HEPACAM2: variants seen among roughly 807,000 people sequenced by gnomAD.
HEPACAM2 encodes the protein HEPACAM family member 2, also known as mitotic kinetics regulator.
In HEPACAM2, 49 loss-of-function variants were observed where a neutral mutation model predicts 49.6. The observed-to-expected ratio is 0.99, with a 90% CI of 0.78 to 1.25. The LOEUF is 1.25. HEPACAM2 is among the 50% of genes most tolerant of loss of function. The pLI, the probability that HEPACAM2 is intolerant of heterozygous loss-of-function variation, is 0.00. For missense variants in HEPACAM2, 525 were observed against 557.2 expected, an observed-to-expected ratio of 0.94 and a Z score of 0.58; for synonymous variants, 197 against 202.9, an observed-to-expected ratio of 0.97 and a Z score of 0.25.
intron 8 of HEPACAM2, among the ~76,000 whole-genome samples, chr7:93,193,988 C>T (rs1232396101): frequency 6.6e-6 from 1 of 152,102 alleles, no homozygotes; most frequent in Non-Finnish European, 1.5e-5. Flanking sequence ...TCACTTCTTC[C>T]CCAAAGCACC....
intron 8 of HEPACAM2, among the ~76,000 whole-genome samples, chr7:93,193,893 T>G (rs573811561): frequency 6.6e-6 from 1 of 152,288 alleles, no homozygotes. Flanking sequence ...TACGTATACA[T>G]AGCTGCCATT....
At chr7:93,212,067 A>C (rs1794191162) in intron 3 of HEPACAM2, among the ~76,000 whole-genome samples, 1 of 152,016 alleles carries the variant, frequency 6.6e-6, no homozygotes, top group Admixed American at 6.6e-5. Flanking sequence ...AGCATAATGG[A>C]GTATTCTCAC....
Position 93,195,776 on chromosome 7 carries a change from C to T in HEPACAM2, c.1275+52G>A. The T allele has an allele frequency of 9.3e-6, 13 of 1,394,664 alleles. No homozygotes were observed. In the South Asian group the frequency reaches 1.5e-4, roughly 16 times the overall value. 86.4% of individuals were successfully genotyped at this position (1,394,664 alleles called of 1,614,324 possible). A position where few individuals can be genotyped will look rare whatever the true frequency, so the allele number is the denominator to read the frequency against. ...GCTTAAACAAATGCTTTTTACACCTCTGGTGAAGCAGAATTCTACTTCTCG... is the reference window on the plus strand; with the variant it reads ...GCTTAAACAAATGCTTTTTACACCTTTGGTGAAGCAGAATTCTACTTCTCG... On this transcript the variant is annotated intron_variant, in intron 8 of 9. Transcript: ENST00000394468.
chr7:93,208,611 T>C lies in HEPACAM2; in HGVS notation c.981A>G (p.Glu327=). 6.2e-7 allele frequency: 1 copy of C among 1,612,974 alleles called. No homozygotes were observed. The highest frequency in any genetic ancestry group is 1.1e-5 in the South Asian group (1 of 90,988). The change falls in exon 4 of 10, where the codon GAA becomes GAG. Residue 327 remains glutamate, a synonymous_variant. Transcript: ENST00000394468. ...AAGTGATGATAACTGTGAAATGAGT[T>C]TCATCTTGCCTGCCGGTTATGTTGT... ...AYNNITGRQD[E]THFTVIITSV...
At chr7:93,213,782 C>T (rs904158030) in intron 3 of HEPACAM2, among the ~76,000 whole-genome samples, 1 of 151,890 alleles carries the variant, frequency 6.6e-6, no homozygotes, top group Non-Finnish European at 1.5e-5. Flanking sequence ...GCACAATGAA[C>T]CTGTTAGTGA....
intron 4 of HEPACAM2, among the ~76,000 whole-genome samples, chr7:93,203,708 G>A (rs974867531): frequency 7.9e-5 from 12 of 152,156 alleles, no homozygotes; most frequent in African/African-American, 2.9e-4. Flanking sequence ...CCATGGTATC[G>A]CAACCCTGCT....
chr7:93,226,272 T>G, intron 1 of HEPACAM2, 96 bp downstream of exon 1: 3 of 804,520 alleles, frequency 3.7e-6, no homozygotes. Flanking sequence ...ATTATCTGAA[T>G]GCATCTACAG....
chr7:93,221,089 G>C (rs943937928), intron 1 of HEPACAM2, among the ~76,000 whole-genome samples: 4 of 152,114 alleles, frequency 2.6e-5, no homozygotes, highest in African/African-American at 9.7e-5. Flanking sequence ...AGAGAGATGG[G>C]ACAGAAGCTG....
At chr7:93,222,704 T>G (rs776654440) in intron 1 of HEPACAM2, among the ~76,000 whole-genome samples, 1 of 152,160 alleles carries the variant, frequency 6.6e-6, no homozygotes, top group Non-Finnish European at 1.5e-5. Flanking sequence ...AGTTTTCTCA[T>G]GTGTGAATAG....
Position 93,197,080 on chromosome 7 carries a change from A to G in HEPACAM2, c.1201+161T>C, listed in dbSNP as rs369801570. Among the ~76,000 whole-genome samples, 6 of 152,224 alleles carry G rather than the reference A, an allele frequency of 3.9e-5. No individual in the cohort carries two copies. In the East Asian group the frequency reaches 5.8e-4, roughly 15 times the overall value. On this transcript the variant is annotated intron_variant, in intron 7 of 9. Coordinates refer to ENST00000394468, the MANE Select transcript of HEPACAM2 (RefSeq NM_001039372.4). Reference sequence around the variant, plus strand: ...GACTTATATAAAACCAATACAGAAGACAGCACTTTGTAAAGTGAAGGCACT... The same window carrying G: ...GACTTATATAAAACCAATACAGAAGGCAGCACTTTGTAAAGTGAAGGCACT...
chr7:93,215,423 A>G lies in HEPACAM2; in HGVS notation c.693T>C (p.Asp231=), dbSNP rs1584349996. 3 of 1,613,598 alleles carry G rather than the reference A, an allele frequency of 1.9e-6. No homozygotes were observed. Among genetic ancestry groups the G allele is most frequent in the Non-Finnish European group, 2.5e-6 (3 of 1,179,754 alleles). The part of the protein sequence containing the change: ...VRNPVSEMES[D]IIMPIIYYGP... ...TACAATATATGATGGGCATAATGATATCACTTTCCATTTCACTGACAGGGT... is the reference window on the plus strand; with the variant it reads ...TACAATATATGATGGGCATAATGATGTCACTTTCCATTTCACTGACAGGGT... The change falls in exon 3 of 10, where the codon GAT becomes GAC. Residue 231 remains aspartate, a synonymous_variant. Coordinates refer to ENST00000394468, the MANE Select transcript of HEPACAM2 (RefSeq NM_001039372.4).
intron 4 of HEPACAM2, among the ~76,000 whole-genome samples, chr7:93,200,492 T>C (rs1380953966): frequency 6.6e-6 from 1 of 152,064 alleles, no homozygotes; most frequent in Non-Finnish European, 1.5e-5. Flanking sequence ...CCCAAACACT[T>C]CTAATATCAA....
chr7:93,197,894 G>C (rs1793776563), intron 4 of HEPACAM2, among the ~76,000 whole-genome samples: 1 of 152,062 alleles, frequency 6.6e-6, no homozygotes, highest in Non-Finnish European at 1.5e-5. Flanking sequence ...GTACTTCTCA[G>C]TGATGTTTGC....
At chr7:93,197,450 A>G (rs1233420816) in intron 5 of HEPACAM2, 35 bp downstream of exon 5, 1 of 1,585,830 alleles carries the variant, frequency 6.3e-7, no homozygotes, top group East Asian at 2.2e-5. Context: ...ACACATATAT[A>G]CAGCTTCAAT....
chr7:93,198,615 T>C (rs1793795964), intron 4 of HEPACAM2, among the ~76,000 whole-genome samples: 1 of 152,134 alleles, frequency 6.6e-6, no homozygotes, highest in Non-Finnish European at 1.5e-5. Context: ...TCTTCCATAT[T>C]ACCATGTGAA....
At chr7:93,217,012 G>GTCGAGTAA (rs1237132073) in intron 2 of HEPACAM2, among the ~76,000 whole-genome samples, 1 of 152,158 alleles carries the variant, frequency 6.6e-6, no homozygotes, top group African/African-American at 2.4e-5. Context: ...TTATGGGGGA[G>GTCGAGTAA]TCGAGTAATT....
At chr7:93,226,839 T>C (rs1794550474), upstream of HEPACAM2, among the ~76,000 whole-genome samples, 1 of 152,104 alleles carries the variant, frequency 6.6e-6, no homozygotes, top group South Asian at 2.1e-4. Context: ...AACTATGCCA[T>C]TATTATTTTA....
chr7:93,221,850 G>T (rs377369233), intron 1 of HEPACAM2, among the ~76,000 whole-genome samples: 1 of 152,016 alleles, frequency 6.6e-6, no homozygotes, highest in African/African-American at 2.4e-5. Context: ...TGCACACTTT[G>T]GTGATTGGTC....
At position 93,188,912 on chromosome 7, in the gene HEPACAM2, T is replaced by G; in HGVS notation, c.*355A>C. The G allele has an allele frequency of 2.5e-6, 1 of 400,462 alleles. No individual in the cohort carries two copies. Among genetic ancestry groups the G allele is most frequent in the East Asian group, 3.6e-5 (1 of 28,146 alleles). The allele number at this position is 400,462 out of a possible 1,614,324, so 24.8% of individuals were successfully genotyped here. A position where few individuals can be genotyped will look rare whatever the true frequency, so the allele number is the denominator to read the frequency against. Reference sequence around the variant, plus strand: ...TGTAGGTGAGACAGGATAGTCTCAGTGTTGATGATAGTGAAAGTGTAGAGT... The same window carrying G: ...TGTAGGTGAGACAGGATAGTCTCAGGGTTGATGATAGTGAAAGTGTAGAGT... On this transcript the variant is annotated 3_prime_UTR_variant, in exon 10 of 10. Coordinates refer to ENST00000394468, the MANE Select transcript of HEPACAM2 (RefSeq NM_001039372.4).
Sources: allele counts gnomAD v4.1 joint callset (sites outside exome capture counted in the v4.1 genomes callset), GRCh38; gene constraint gnomAD v4.1.1; transcripts MANE v1.5; gene names NCBI Gene and HGNC (gene_info 2026-07-23, HGNC 2026-07-21).